Variants in FRK observed in about 807,000 individuals in gnomAD.
FRK encodes fyn related Src family tyrosine kinase, also known as tyrosine-protein kinase FRK.
In FRK, 51 loss-of-function variants were observed where a neutral mutation model predicts 56.4. The ratio of observed to expected loss-of-function variants is 0.90; its 90% CI spans 0.72 to 1.14. The LOEUF (loss-of-function observed/expected upper bound fraction) is 1.14, where lower values mean the gene tolerates loss of function less well. Among genes scored for constraint, FRK ranks in the 50% most tolerant of loss-of-function variants. The pLI is 0.00. For synonymous variants in FRK, 245 were observed against 217.9 expected, an observed-to-expected ratio of 1.12 and a Z score of -1.10; for missense variants, 570 against 601.4, an observed-to-expected ratio of 0.95 and a Z score of 0.55.
At chr6:116,087,105 T>C in the FRK span, among the ~76,000 whole-genome samples, 1 of 152,288 alleles carries the variant, frequency 6.6e-6, no homozygotes, top group African/African-American at 2.4e-5. Flanking sequence ...CAAAATAACG[T>C]CTCCTCTTTA....
At chr6:116,001,115 G>A (rs886780258) in intron 2 of FRK, among the ~76,000 whole-genome samples, 1 of 151,996 alleles carries the variant, frequency 6.6e-6, no homozygotes, top group Non-Finnish European at 1.5e-5. Context: ...GCACATGCCT[G>A]TATTCCCAGC....
At chr6:116,081,293 C>T in the FRK span, among the ~76,000 whole-genome samples, 2 of 152,122 alleles carry the variant, frequency 1.3e-5, no homozygotes, top group Non-Finnish European at 2.9e-5. Context: ...TCAGTACCAT[C>T]GTTTTGGAGA....
chr6:116,039,195 G>C, intron 1 of FRK: 11 of 1,361,556 alleles, frequency 8.1e-6, no homozygotes, highest in Non-Finnish European at 1.0e-5. Context: ...AGAAGAAAGA[G>C]GTCATCGCAG....
chr6:115,958,374 C>T (rs1220652712), intron 4 of FRK, among the ~76,000 whole-genome samples: 1 of 151,910 alleles, frequency 6.6e-6, no homozygotes, highest in East Asian at 1.9e-4. Context: ...AGCCTGTGAT[C>T]CCAGAACTTT....
intron 5 of FRK, among the ~76,000 whole-genome samples, chr6:115,947,231 A>G (rs1449097663): frequency 1.3e-5 from 2 of 151,942 alleles, no homozygotes; most frequent in African/African-American, 2.4e-5. Context: ...ATATTGTATA[A>G]TTATGTGTTT....
chr6:115,982,025 T>C (rs1718766595), intron 2 of FRK, among the ~76,000 whole-genome samples: 1 of 152,162 alleles, frequency 6.6e-6, no homozygotes, highest in South Asian at 2.1e-4. Flanking sequence ...TGATAGCTAG[T>C]AAAGTGTTAT....
At chr6:115,970,227 T>C (rs1195718996) in intron 2 of FRK, among the ~76,000 whole-genome samples, 2 of 152,034 alleles carry the variant, frequency 1.3e-5, no homozygotes, top group East Asian at 1.9e-4. Flanking sequence ...CCACACACAG[T>C]TGATGGAAGA....
Position 116,056,232 on chromosome 6 carries a change from C to T in FRK, c.344+3736G>A, listed in dbSNP as rs376366827. Among the ~76,000 whole-genome samples, 6 of 134,020 alleles carry T rather than the reference C, an allele frequency of 4.5e-5. No homozygotes were observed. The East Asian group carries it at 6.7e-4, about 15-fold the overall frequency. The allele number at this position is 134,020 out of a possible 152,430, so 87.9% of individuals were successfully genotyped here. A position where few individuals can be genotyped will look rare whatever the true frequency, so the allele number is the denominator to read the frequency against. The stretch of plus-strand genomic sequence containing the variant: ...TTTTTTTTTTTGGTTGGTGGGGATT[C>T]GAGATAGGGTCTGGCTCTGTCACCC... On this transcript the variant is annotated intron_variant, in intron 1 of 7. Coordinates refer to ENST00000606080, the MANE Select transcript of FRK (RefSeq NM_002031.3).
intron 2 of FRK, among the ~76,000 whole-genome samples, chr6:115,982,817 A>G (rs1421081829): frequency 6.6e-6 from 1 of 152,138 alleles, no homozygotes; most frequent in African/African-American, 2.4e-5. Flanking sequence ...CATGCCTGTA[A>G]TCGCAGCACT....
chr6:116,042,709 T>C (rs1248327109), intron 1 of FRK, among the ~76,000 whole-genome samples: 4 of 152,114 alleles, frequency 2.6e-5, no homozygotes, highest in Admixed American at 2.0e-4. Context: ...AGCATCATAA[T>C]GACAGGATTA....
chr6:115,968,624 G>A lies in FRK; in HGVS notation c.582C>T (p.Thr194=). 6.2e-7 allele frequency: 1 copy of A among 1,613,694 alleles called. No individual in the cohort carries two copies. The highest frequency in any genetic ancestry group is 8.5e-7 in the Non-Finnish European group (1 of 1,179,764). ...TGACACACAGGCCGTCACTTGTCTT[G>A]GTGTAGTGGCTCACAAATTCGTTCA... ...STLNEFVSHY[T]KTSDGLCVKL... is the part of the protein sequence containing the mutation. Residue 194 remains threonine (T), a synonymous_variant, in exon 3 of 8, where the codon ACC becomes ACT. Coordinates refer to ENST00000606080, the MANE Select transcript of FRK (RefSeq NM_002031.3).
upstream of FRK, among the ~76,000 whole-genome samples, chr6:116,062,719 GAACGCAGAGCT>G (rs1255817413): frequency 1.3e-5 from 2 of 152,164 alleles, no homozygotes; most frequent in Admixed American, 1.3e-4. Context: ...AATGGCCTGA[GAACGCAGAGCT>G]GAGGGGTGGA....
chr6:115,994,338 C>CCCCTTTTTTTTT (rs1554230544), intron 2 of FRK, among the ~76,000 whole-genome samples: 3 of 91,770 alleles, frequency 3.3e-5, no homozygotes, highest in African/African-American at 6.9e-5. Flanking sequence ...CCCCCCCCGC[C>CCCCTTTTTTTTT]TTTTTTTTGT....
At chr6:116,084,641 T>C in the FRK span, among the ~76,000 whole-genome samples, 2 of 152,202 alleles carry the variant, frequency 1.3e-5, no homozygotes, top group Non-Finnish European at 2.9e-5. Flanking sequence ...TTCCACTTGA[T>C]GTTATTGGCC....
At chr6:116,094,524 C>T in the FRK span, among the ~76,000 whole-genome samples, 1 of 152,226 alleles carries the variant, frequency 6.6e-6, no homozygotes, top group Non-Finnish European at 1.5e-5. Context: ...CTTATCTAAT[C>T]CTACATGCTC....
chr6:116,003,910 T>A lies in FRK; in HGVS notation c.433A>T (p.Ser145Cys). 2.5e-6 allele frequency: 4 copies of A among 1,613,698 alleles called. No homozygotes were observed. Among genetic ancestry groups the A allele is most frequent in the Non-Finnish European group, 3.4e-6 (4 of 1,179,850 alleles). ...NKTGSFLIRE[S>C]ESQKGEFSLS... ...GAGAATTCTCCTTTTTGGCTTTCAC[T>A]TTCTCTGATTAGAAAGGAACCGGTC... The change falls in exon 2 of 8, where the codon AGT becomes TGT. Residue 145 changes from serine (S) to cysteine (C), a missense_variant. Ser to Cys is a moderately radical substitution (Grantham distance 112). Transcript: ENST00000606080.
chr6:115,985,993 T>TG (rs927996311), intron 2 of FRK, among the ~76,000 whole-genome samples: 20 of 151,030 alleles, frequency 1.3e-4, no homozygotes, highest in African/African-American at 4.1e-4. Flanking sequence ...GCCTTTTGGT[T>TG]GGGGGGGAAC....
intron 1 of FRK, among the ~76,000 whole-genome samples, chr6:116,011,784 T>C (rs1041708484): frequency 1.3e-5 from 2 of 152,198 alleles, no homozygotes; most frequent in African/African-American, 4.8e-5. Context: ...CCCCTTGAAC[T>C]ATTATGGTTC....
rs1771959994 is a variant in FRK, at chr6:115,931,622, A to C, written c.*10792T>G. 6.6e-6 allele frequency: 1 copy of C among 152,214 alleles called. No homozygotes were observed. The highest frequency in any genetic ancestry group is 2.4e-5 in the African/African-American group (1 of 41,470). The allele number at this position is 152,214 out of a possible 1,614,324, so 9.4% of individuals were successfully genotyped here. On this transcript the variant is annotated 3_prime_UTR_variant, in exon 8 of 8. Coordinates refer to ENST00000606080, the MANE Select transcript of FRK (RefSeq NM_002031.3). ...TTATTTCTTATTTTTTGAATCAATA[A>C]TTAAATATAGATTTTGAAAATTGAT...
Sources: allele counts gnomAD v4.1 joint callset (sites outside exome capture counted in the v4.1 genomes callset), GRCh38; gene constraint gnomAD v4.1.1; transcripts MANE v1.5; gene names NCBI Gene and HGNC (gene_info 2026-07-23, HGNC 2026-07-21).